Variants in FAM149A observed in about 807,000 individuals in gnomAD.
FAM149A encodes the protein family with sequence similarity 149 member A.
FAM149A carries 71 observed loss-of-function variants against 78.2 expected under a neutral mutation model. The ratio of observed to expected loss-of-function variants is 0.91; its 90% confidence interval spans 0.75 to 1.11. FAM149A has a LOEUF of 1.11. Ranked by LOEUF, FAM149A falls within the 50% of genes least tolerant of loss-of-function variation. The pLI is 0.00. For synonymous variants in FAM149A, 446 were observed against 410.5 expected, an observed-to-expected ratio of 1.09 and a Z score of -1.04; for missense variants, 1,036 against 971.0, an observed-to-expected ratio of 1.07 and a Z score of -0.89.
chr4:186,109,236 G>T, intron 1 of FAM149A: 1 of 974,522 alleles, frequency 1.0e-6, no homozygotes, highest in Non-Finnish European at 1.2e-6. Flanking sequence ...ATGAATGTTG[G>T]TAGAGTGTAA....
intron 1 of FAM149A, among the ~76,000 whole-genome samples, chr4:186,108,356 G>T (rs942439219): frequency 4.6e-5 from 7 of 151,078 alleles, no homozygotes; most frequent in Non-Finnish European, 8.8e-5. Flanking sequence ...TTAGCAGTTT[G>T]TACTTTTTTG....
Position 186,124,000 on chromosome 4 carries a change from G to C in FAM149A, c.566+18358G>C, listed in dbSNP as rs1358098675. 1.6e-5 allele frequency: 16 copies of C among 985,184 alleles called. No individual in the cohort carries two copies. The Admixed American group carries it at 6.8e-4, about 42-fold the overall frequency. 61.0% of individuals were successfully genotyped at this position (985,184 alleles called of 1,614,324 possible). On this transcript the variant is annotated intron_variant, in intron 1 of 13. Coordinates refer to ENST00000389354, the MANE Select transcript of FAM149A (RefSeq NM_001367768.3). ...AGCTAAAATTTTCTAATGTGTGAAA[G>C]AAGGGGCTACACACTCACACAGACA...
intron 8 of FAM149A, chr4:186,158,166 C>G (rs541492504): frequency 7.8e-7 from 1 of 1,282,164 alleles, no homozygotes; most frequent in South Asian, 1.3e-5. Context: ...CTGAAGCTCA[C>G]TGCTGCCACC....
chr4:186,134,440 A>G (rs1254874889), intron 1 of FAM149A, among the ~76,000 whole-genome samples: 2 of 152,204 alleles, frequency 1.3e-5, no homozygotes, highest in Non-Finnish European at 2.9e-5. Context: ...TTTTAGGTGC[A>G]TGAGAAAGAC....
intron 1 of FAM149A, among the ~76,000 whole-genome samples, chr4:186,132,499 C>T (rs537852238): frequency 1.3e-3 from 193 of 152,270 alleles, no homozygotes; most frequent in Non-Finnish European, 2.5e-3. Context: ...CAGGTCTCAA[C>T]CGATTTAGAA....
chr4:186,104,764 CGGGCGTCTG>C lies in FAM149A; in HGVS notation c.-307_-299del, dbSNP rs898009919. Among the ~76,000 whole-genome samples the C allele has an allele frequency of 1.2e-4, 17 of 144,408 alleles. No individual in the cohort carries two copies. Among genetic ancestry groups the C allele is most frequent in the African/African-American group, 4.2e-4 (17 of 40,196 alleles). 94.7% of individuals were successfully genotyped at this position (144,408 alleles called of 152,430 possible). A position where few individuals can be genotyped will look rare whatever the true frequency, so the allele number is the denominator to read the frequency against. Reference sequence around the variant, plus strand: ...ACCGCGGGCGGCGGGCGGCGGGCGGCGGGCGTCTGGGGCGGGCGGCGGCCGCGCTTCCCG... The same window carrying C: ...ACCGCGGGCGGCGGGCGGCGGGCGGCGGGCGGGCGGCGGCCGCGCTTCCCG... On this transcript the variant is annotated 5_prime_UTR_variant, in exon 1 of 14. Coordinates refer to ENST00000389354, the MANE Select transcript of FAM149A (RefSeq NM_001367768.3).
intron 1 of FAM149A, among the ~76,000 whole-genome samples, chr4:186,145,687 C>A (rs1459195461): frequency 6.6e-6 from 1 of 152,188 alleles, no homozygotes; most frequent in Non-Finnish European, 1.5e-5. Flanking sequence ...GACTGCACTT[C>A]AGTCCACCCT....
chr4:186,149,348 G>C (rs1733291327), intron 2 of FAM149A, 65 bp downstream of exon 2: 5 of 1,248,466 alleles, frequency 4.0e-6, no homozygotes, highest in Middle Eastern at 2.2e-4. Flanking sequence ...TGGGAAGGAA[G>C]TTAGTGACTG....
chr4:186,150,389 C>T (rs1361519698), intron 3 of FAM149A, among the ~76,000 whole-genome samples: 97 of 34,794 alleles, frequency 2.8e-3, no homozygotes, highest in Middle Eastern at 0.013. Context: ...TTTTTGCTTG[C>T]TTGCTTTCTC....
intron 9 of FAM149A, 104 bp from the exon 10 acceptor site, chr4:186,163,319 CT>C (rs1734761933): frequency 1.2e-6 from 1 of 837,422 alleles, no homozygotes. Context: ...GGAGTATGTT[CT>C]AGGTGCCAGA....
At chr4:186,143,219 TG>T (rs1342824112) in intron 1 of FAM149A, among the ~76,000 whole-genome samples, 1 of 139,054 alleles carries the variant, frequency 7.2e-6, no homozygotes, top group Non-Finnish European at 1.5e-5. Context: ...CTTGAACTCC[TG>T]GGCTCTAGTG....
At chr4:186,152,854 T>C (rs1273959021) in intron 4 of FAM149A, among the ~76,000 whole-genome samples, 3 of 152,148 alleles carry the variant, frequency 2.0e-5, no homozygotes, top group South Asian at 2.1e-4. Flanking sequence ...AAAGGCAAGC[T>C]TATCTTTCAG....
Position 186,105,407 on chromosome 4 carries a change from C to G in FAM149A, c.331C>G (p.Pro111Ala), listed in dbSNP as rs1174930417. The G allele has an allele frequency of 8.4e-7, 1 of 1,186,026 alleles. No individual in the cohort carries two copies. The highest frequency in any genetic ancestry group is 1.1e-6 in the Non-Finnish European group (1 of 946,008). 73.5% of individuals were successfully genotyped at this position (1,186,026 alleles called of 1,614,324 possible). The change falls in exon 1 of 14, where the codon CCC becomes GCC. Residue 111 changes from proline (P) to alanine (A), a missense_variant. This residue lies in a region of FAM149A where 316 missense variants were observed against 241.9 expected (regional missense o/e 1.31). Transcript: ENST00000389354. Reference sequence around the variant, plus strand: ...AGCGGGTAAAGCCCCGCCCCAGCCCCCCACTCCCTCCGGCGGGGGCTGCTC... The same window carrying G: ...AGCGGGTAAAGCCCCGCCCCAGCCCGCCACTCCCTCCGGCGGGGGCTGCTC...
At chr4:186,130,183 G>C (rs114257152) in intron 1 of FAM149A, 2 of 150,852 alleles carry the variant, frequency 1.3e-5, no homozygotes, top group East Asian at 2.0e-4. Flanking sequence ...GGAGGTAACT[G>C]TTACAACCCA....
At chr4:186,136,961 TCTTTCTC>T in intron 1 of FAM149A, among the ~76,000 whole-genome samples, 1 of 103,894 alleles carries the variant, frequency 9.6e-6, no homozygotes, top group South Asian at 3.3e-4. Context: ...TCTCTCTCTC[TCTTTCTC>T]TCTCTCTTTC....
intron 1 of FAM149A, among the ~76,000 whole-genome samples, chr4:186,130,521 A>T (rs1190400731): frequency 6.9e-6 from 1 of 144,968 alleles, no homozygotes; most frequent in South Asian, 2.2e-4. Context: ...CATGCCTGGC[A>T]TTTTTTTTTT....
chr4:186,140,609 AGGCT>A (rs1183085768), intron 1 of FAM149A, among the ~76,000 whole-genome samples: 1 of 152,112 alleles, frequency 6.6e-6, no homozygotes, highest in Non-Finnish European at 1.5e-5. Flanking sequence ...TCGCCAAACT[AGGCT>A]AAGGGAGATC....
At chr4:186,106,804 G>A (rs756400108) in intron 1 of FAM149A, among the ~76,000 whole-genome samples, 1 of 152,002 alleles carries the variant, frequency 6.6e-6, no homozygotes, top group African/African-American at 2.4e-5. Context: ...AAAATTAGCC[G>A]GGCGTGGTGG....
intron 1 of FAM149A, among the ~76,000 whole-genome samples, chr4:186,111,338 T>G (rs2099311201): frequency 6.6e-6 from 1 of 152,034 alleles, no homozygotes; most frequent in South Asian, 2.1e-4. Flanking sequence ...TCTCCCATTT[T>G]GTAGGTTGCC....
Sources: gnomAD v4.1 joint callset for allele counts (sites outside exome capture counted in the v4.1 genomes callset) on GRCh38, gnomAD v4.1.1 for gene constraint, gnomAD v4.1.1 regional missense constraint, MANE v1.5 for transcripts, NCBI Gene and HGNC (gene_info 2026-07-23, HGNC 2026-07-21) for gene names.